The following NKAIN2 variants were observed in gnomAD, a reference collection of about 807,000 sequenced individuals.
The protein encoded by NKAIN2 is sodium/potassium-transporting ATPase subunit beta-1-interacting protein 2.
In NKAIN2, 14 loss-of-function variants were observed where a neutral mutation model predicts 32.6. The ratio of observed to expected loss-of-function variants is 0.43; its 90% CI spans 0.28 to 0.67. The LOEUF (loss-of-function observed/expected upper bound fraction) is 0.67, where lower values mean the gene tolerates loss of function less well. NKAIN2 is among the 30% of genes least tolerant of loss of function. The probability of loss-of-function intolerance (pLI) is 0.17; values close to 1 mark genes in which losing one functional copy is unlikely to be tolerated. For synonymous variants in NKAIN2, 80 were observed against 87.2 expected (o/e 0.92, Z 0.46); for missense variants, 198 against 258.3 (o/e 0.77, Z 1.60).
chr6:124,728,733 C>G (rs1223460599), intron 4 of NKAIN2, among the ~76,000 whole-genome samples: 1 of 150,230 alleles, frequency 6.7e-6, no homozygotes, highest in Non-Finnish European at 1.5e-5. Flanking sequence ...GAAATAGAGA[C>G]ACAAAAAACC....
intron 1 of NKAIN2, among the ~76,000 whole-genome samples, chr6:124,193,839 G>C (rs1015996083): frequency 1.3e-5 from 2 of 152,036 alleles, no homozygotes; most frequent in Non-Finnish European, 2.9e-5. Flanking sequence ...TAGCAGAGGG[G>C]AAACCCTAGA....
In NKAIN2 at chr6:123,964,517, A is replaced by G. The variant is rs1322183541; in HGVS notation, c.54+160263A>G. Among the ~76,000 whole-genome samples the G allele has an allele frequency of 3.3e-5, 5 of 152,112 alleles. No homozygotes were observed. Among genetic ancestry groups the G allele is most frequent in the African/African-American group, 7.2e-5 (3 of 41,430 alleles). On this transcript the variant is annotated intron_variant, in intron 1 of 6. Coordinates refer to ENST00000368417, the MANE Select transcript of NKAIN2 (RefSeq NM_001040214.3). This position sits in a 1 kb window ranked among gnomAD's most constrained non-coding sequence, Gnocchi z 4.0. ...GCAAACTAAGTTCCTTCTCATCTCTATATCATCTCATTTCTATATCATATT... is the reference window on the plus strand; with the variant it reads ...GCAAACTAAGTTCCTTCTCATCTCTGTATCATCTCATTTCTATATCATATT...
intron 3 of NKAIN2, among the ~76,000 whole-genome samples, chr6:124,432,942 C>G (rs1179527701): frequency 2.0e-5 from 3 of 152,124 alleles, no homozygotes; most frequent in Admixed American, 6.6e-5. Context: ...TTGGCTCCCC[C>G]CGACACATCC....
At chr6:124,726,520 C>T (rs955771357) in intron 4 of NKAIN2, among the ~76,000 whole-genome samples, 1 of 150,862 alleles carries the variant, frequency 6.6e-6, no homozygotes, top group African/African-American at 2.4e-5. Flanking sequence ...GGAAAACTAA[C>T]AAACAGAAAG....
At chr6:123,996,903 A>AT (rs1047212083) in intron 1 of NKAIN2, among the ~76,000 whole-genome samples, 1 of 152,082 alleles carries the variant, frequency 6.6e-6, no homozygotes, top group Admixed American at 6.5e-5. Flanking sequence ...GCAATTGAAC[A>AT]TTTTTTTTGA....
chr6:124,747,573 A>G (rs761410886), intron 4 of NKAIN2, among the ~76,000 whole-genome samples: 4 of 152,018 alleles, frequency 2.6e-5, no homozygotes, highest in Non-Finnish European at 5.9e-5. Context: ...AAATTAGCAC[A>G]AGCTCCAAGT....
intron 1 of NKAIN2, among the ~76,000 whole-genome samples, chr6:124,246,055 T>A (rs530005448): frequency 6.6e-6 from 1 of 152,220 alleles, no homozygotes; most frequent in African/African-American, 2.4e-5. Context: ...TATTTTACAT[T>A]CAGCACCCCT....
intron 3 of NKAIN2, among the ~76,000 whole-genome samples, chr6:124,585,104 CA>C (rs1244878522): frequency 6.6e-6 from 1 of 152,148 alleles, no homozygotes; most frequent in East Asian, 1.9e-4. Context: ...GGTATTTATA[CA>C]CGATGGAGTA....
At chr6:123,813,747 G>A (rs1387907836) in intron 1 of NKAIN2, among the ~76,000 whole-genome samples, 1 of 152,120 alleles carries the variant, frequency 6.6e-6, no homozygotes, top group Non-Finnish European at 1.5e-5. Flanking sequence ...GGGAGGCAGA[G>A]GTTGCAGTGA....
At chr6:124,178,236 T>C (rs1789258549) in intron 1 of NKAIN2, among the ~76,000 whole-genome samples, 1 of 152,170 alleles carries the variant, frequency 6.6e-6, no homozygotes, top group Non-Finnish European at 1.5e-5. Context: ...TTCTGTTGTT[T>C]ATCAGACCCC....
At chr6:124,680,474 T>C (rs1412416585) in intron 4 of NKAIN2, among the ~76,000 whole-genome samples, 2 of 152,218 alleles carry the variant, frequency 1.3e-5, no homozygotes, top group East Asian at 3.9e-4. Flanking sequence ...AATAAATGTT[T>C]TGCATCCGTC....
At chr6:123,934,226 G>C (rs1262079894) in intron 1 of NKAIN2, among the ~76,000 whole-genome samples, 57 of 152,126 alleles carry the variant, frequency 3.7e-4, no homozygotes, top group Admixed American at 3.7e-3. Context: ...TCACATTACT[G>C]TCTACTTTGA....
At chr6:124,132,986 T>G (rs927211542) in intron 1 of NKAIN2, among the ~76,000 whole-genome samples, 1 of 152,192 alleles carries the variant, frequency 6.6e-6, no homozygotes, top group Non-Finnish European at 1.5e-5. Flanking sequence ...GTCTTTTGGC[T>G]GGTGAGTCAT....
At chr6:124,552,841 T>C (rs1404733135) in intron 3 of NKAIN2, among the ~76,000 whole-genome samples, 4 of 152,232 alleles carry the variant, frequency 2.6e-5, no homozygotes, top group Non-Finnish European at 5.9e-5. Flanking sequence ...TCCAAACTAG[T>C]ACACAACTAG....
chr6:124,572,059 C>T (rs566248974), intron 3 of NKAIN2, among the ~76,000 whole-genome samples: 6 of 152,296 alleles, frequency 3.9e-5, no homozygotes, highest in Non-Finnish European at 7.4e-5. Context: ...GAGACATTTT[C>T]GGAGTCCTCT....
intron 1 of NKAIN2, among the ~76,000 whole-genome samples, chr6:124,044,284 A>G (rs1782017984): frequency 1.3e-5 from 2 of 151,984 alleles, no homozygotes; most frequent in Non-Finnish European, 2.9e-5. Flanking sequence ...ACCCTAGGCA[A>G]AGTTCTAAGC....
intron 3 of NKAIN2, among the ~76,000 whole-genome samples, chr6:124,642,133 A>G (rs555181377): frequency 1.3e-5 from 2 of 152,280 alleles, no homozygotes; most frequent in East Asian, 3.9e-4. Context: ...AGTGGAATGA[A>G]TCACACCTTT....
At chr6:124,149,436 T>A (rs145033235) in intron 1 of NKAIN2, among the ~76,000 whole-genome samples, 1 of 152,350 alleles carries the variant, frequency 6.6e-6, no homozygotes, top group African/African-American at 2.4e-5. Context: ...AGGACTATGA[T>A]CCATTTTGAG....
chr6:124,343,594 T>C (rs1180853032), intron 2 of NKAIN2, among the ~76,000 whole-genome samples: 1 of 152,028 alleles, frequency 6.6e-6, no homozygotes, highest in Non-Finnish European at 1.5e-5. Context: ...ATGATGAGCA[T>C]GTTTTCATGT....
Sources: gnomAD v4.1 joint callset for allele counts (sites outside exome capture counted in the v4.1 genomes callset) on GRCh38, gnomAD v4.1.1 for gene constraint, Gnocchi (gnomAD v3.1) non-coding constraint, MANE v1.5 for transcripts, NCBI Gene and HGNC (gene_info 2026-07-23, HGNC 2026-07-21) for gene names.